Variants in MACROD2 observed in about 807,000 individuals in gnomAD.
MACROD2 encodes the protein mono-ADP ribosylhydrolase 2, also known as ADP-ribose glycohydrolase MACROD2.
Under a neutral mutation model 70.4 loss-of-function variants are expected in MACROD2, and 36 were observed. That is an observed-to-expected ratio of 0.51 (90% CI 0.39 to 0.68). The LOEUF is 0.68. Ranked by LOEUF, MACROD2 falls within the 30% of genes least tolerant of loss-of-function variation. MACROD2 has a pLI of 0.00. For synonymous variants in MACROD2, 172 were observed against 178.8 expected (o/e 0.96, Z 0.30); for missense variants, 496 against 538.4 (o/e 0.92, Z 0.78).
intron 5 of MACROD2, among the ~76,000 whole-genome samples, chr20:14,899,140 T>C (rs2122543173): frequency 6.6e-6 from 1 of 152,344 alleles, no homozygotes; most frequent in East Asian, 1.9e-4. Context: ...CTCCTTTTCT[T>C]GTACACACTT....
intron 3 of MACROD2, among the ~76,000 whole-genome samples, chr20:14,087,195 G>C (rs1443598093): frequency 6.6e-6 from 1 of 151,950 alleles, no homozygotes; most frequent in African/African-American, 2.4e-5. Flanking sequence ...AGGAATTCGA[G>C]ACCAGCCTGG....
intron 12 of MACROD2, among the ~76,000 whole-genome samples, chr20:15,948,435 T>TG (rs1371657158): frequency 3.1e-5 from 2 of 64,564 alleles, no homozygotes; most frequent in Admixed American, 1.6e-4. Context: ...GAAAAGAAAA[T>TG]GGGCCACTTT....
chr20:15,980,040 C>T (rs1214611613), intron 13 of MACROD2, among the ~76,000 whole-genome samples: 4 of 152,182 alleles, frequency 2.6e-5, no homozygotes, highest in Non-Finnish European at 4.4e-5. Flanking sequence ...ATGAAAGGGT[C>T]GTGATTGATT....
chr20:15,109,965 C>T (rs367608396), intron 5 of MACROD2, among the ~76,000 whole-genome samples: 3 of 151,944 alleles, frequency 2.0e-5, no homozygotes, highest in African/African-American at 4.8e-5. Flanking sequence ...AATAGGTTCT[C>T]GGAGGGCAGA....
chr20:14,000,638 GACAT>G (rs1056386530), intron 1 of MACROD2, among the ~76,000 whole-genome samples: 34 of 152,302 alleles, frequency 2.2e-4, no homozygotes, highest in African/African-American at 7.9e-4. Context: ...CATGAAAGCT[GACAT>G]ACAGAGTGAA....
In MACROD2 at chr20:14,420,894, T is replaced by A. The variant is rs900715027; in HGVS notation, c.272-72585T>A. On this transcript the variant is annotated intron_variant, in intron 3 of 17. Coordinates refer to ENST00000684519, the MANE Select transcript of MACROD2 (RefSeq NM_001351661.2). ...TTTGTGTAGAGGTGAGGTTTCTATA[T>A]GTTGCCCAGGCTGGTCTCGAGCTCC... Among the ~76,000 whole-genome samples, 6 of 152,294 alleles carry A rather than the reference T, an allele frequency of 3.9e-5. No individual in the cohort carries two copies. In the South Asian group the frequency reaches 6.2e-4, roughly 16 times the overall value.
At chr20:14,516,793 C>A (rs1448561920) in intron 4 of MACROD2, among the ~76,000 whole-genome samples, 3 of 152,082 alleles carry the variant, frequency 2.0e-5, no homozygotes, top group African/African-American at 7.2e-5. Flanking sequence ...ATCTATCCAT[C>A]TGACAAAGGG....
At chr20:14,088,496 G>C (rs2054110228) in intron 3 of MACROD2, among the ~76,000 whole-genome samples, 1 of 151,594 alleles carries the variant, frequency 6.6e-6, no homozygotes, top group South Asian at 2.1e-4. Context: ...ACACTTATCA[G>C]CCTTCCTGTG....
chr20:14,459,241 A>G (rs1353754086), intron 3 of MACROD2, among the ~76,000 whole-genome samples: 1 of 151,990 alleles, frequency 6.6e-6, no homozygotes, highest in Non-Finnish European at 1.5e-5. Context: ...CAGAGAATTT[A>G]GATTGATTGG....
chr20:15,684,934 A>G (rs1248582646), intron 8 of MACROD2, among the ~76,000 whole-genome samples: 4 of 152,200 alleles, frequency 2.6e-5, no homozygotes, highest in Non-Finnish European at 5.9e-5. Context: ...AATCACTCAA[A>G]TCCTTTGGGA....
At position 14,678,350 on chromosome 20, in the gene MACROD2, C is replaced by T. The variant is rs142438974; in HGVS notation, c.302-6493C>T. ...GGAAGTACTGTCTTGCTCATGTAGC[C>T]CAGGAATAAAACCAAATGGGCTTTG... On this transcript the variant is annotated intron_variant, in intron 4 of 17. Transcript: ENST00000684519. Among the ~76,000 whole-genome samples the T allele has an allele frequency of 3.8e-3, 577 of 152,152 alleles. 4 individuals are homozygous for T. Among genetic ancestry groups the T allele is most frequent in the Non-Finnish European group, 5.3e-3 (358 of 67,992 alleles).
At chr20:14,470,248 C>T (rs970569473) in intron 3 of MACROD2, among the ~76,000 whole-genome samples, 6 of 152,128 alleles carry the variant, frequency 3.9e-5, no homozygotes, top group Non-Finnish European at 7.3e-5. Flanking sequence ...CGGGGTATCA[C>T]CAGCAGAGAC....
intron 8 of MACROD2, among the ~76,000 whole-genome samples, chr20:15,578,679 CTCCTAGGG>C (rs1568905742): frequency 4.4e-5 from 1 of 22,664 alleles, no homozygotes; most frequent in Non-Finnish European, 9.0e-4. Flanking sequence ...GAACAAGGGG[CTCCTAGGG>C]TGTCGATAAT....
intron 12 of MACROD2, among the ~76,000 whole-genome samples, chr20:15,957,760 CTTATATCTCCCA>C (rs748055612): frequency 2.5e-4 from 38 of 152,160 alleles, no homozygotes; most frequent in Non-Finnish European, 5.0e-4. Context: ...ATCTGGCCCC[CTTATATCTCCCA>C]ACACGGTGGC....
chr20:15,727,969 T>C (rs1445955006), intron 8 of MACROD2, among the ~76,000 whole-genome samples: 2 of 151,762 alleles, frequency 1.3e-5, no homozygotes, highest in African/African-American at 2.4e-5. Context: ...CTATGTTGAA[T>C]AGGGGAGGTA....
intron 4 of MACROD2, among the ~76,000 whole-genome samples, chr20:14,591,624 A>G (rs1181265154): frequency 3.3e-5 from 5 of 151,122 alleles, no homozygotes; most frequent in Admixed American, 6.5e-5. Context: ...TTAACTTAAC[A>G]TAGTGTGGTG....
At position 14,876,589 on chromosome 20, in the gene MACROD2, T is replaced by C. The variant is rs2073553756; in HGVS notation, c.418+191630T>C. ...TACCAAGGTTTTCTTCTAGGACTTA[T>C]AGTTTGAGGTCTTACACTTAAATCT... On this transcript the variant is annotated intron_variant, in intron 5 of 17. Transcript: ENST00000684519. Among the ~76,000 whole-genome samples the C allele has an allele frequency of 2.6e-5, 4 of 152,218 alleles. No individual in the cohort carries two copies. The South Asian group carries it at 6.2e-4, about 24-fold the overall frequency.
intron 3 of MACROD2, among the ~76,000 whole-genome samples, chr20:14,267,055 A>G (rs1007375206): frequency 2.6e-5 from 4 of 152,178 alleles, no homozygotes; most frequent in African/African-American, 7.2e-5. Flanking sequence ...GGGAAAATTA[A>G]TGGTAGTGTC....
chr20:14,557,163 G>A (rs1979088769), intron 4 of MACROD2, among the ~76,000 whole-genome samples: 4 of 152,034 alleles, frequency 2.6e-5, no homozygotes, highest in East Asian at 1.9e-4. Context: ...GGGTTAACTG[G>A]ATATCCACAT....
Sources: gnomAD v4.1 joint callset for allele counts (sites outside exome capture counted in the v4.1 genomes callset) on GRCh38, gnomAD v4.1.1 for gene constraint, MANE v1.5 for transcripts, NCBI Gene and HGNC (gene_info 2026-07-23, HGNC 2026-07-21) for gene names.